The following LRRC20 variants were observed in gnomAD, a reference collection of about 807,000 sequenced individuals.
LRRC20 encodes the protein leucine-rich repeat-containing protein 20.
A neutral mutation model predicts 14.4 loss-of-function variants in LRRC20; 11 were observed. The observed-to-expected ratio is 0.77, with a 90% CI of 0.48 to 1.27. The LOEUF (loss-of-function observed/expected upper bound fraction) is 1.27, where lower values mean the gene tolerates loss of function less well. Ranked by LOEUF, LRRC20 falls within the 50% of genes most tolerant of loss-of-function variation. LRRC20 has a pLI of 0.00. For synonymous variants in LRRC20, 121 were observed against 107.3 expected (o/e 1.13, Z -0.79); for missense variants, 219 against 251.2 (o/e 0.87, Z 0.87).
At chr10:70,322,044 C>T (rs1294763471) in intron 4 of LRRC20, among the ~76,000 whole-genome samples, 1 of 152,224 alleles carries the variant, frequency 6.6e-6, no homozygotes, top group Non-Finnish European at 1.5e-5. Context: ...GAGATCTGGG[C>T]CACCCTTGCT....
intron 2 of LRRC20, among the ~76,000 whole-genome samples, chr10:70,371,183 C>T (rs1347308667): frequency 6.6e-6 from 1 of 151,802 alleles, no homozygotes; most frequent in Non-Finnish European, 1.5e-5. Context: ...CTCGCCCAGG[C>T]TGGAGTGCAG....
At chr10:70,371,784 G>A (rs886635076) in intron 2 of LRRC20, among the ~76,000 whole-genome samples, 1 of 152,184 alleles carries the variant, frequency 6.6e-6, no homozygotes, top group African/African-American at 2.4e-5. Flanking sequence ...CTCAAGCTGA[G>A]GGCCTCCCAG....
At chr10:70,367,428 T>C in intron 2 of LRRC20, among the ~76,000 whole-genome samples, 1 of 151,968 alleles carries the variant, frequency 6.6e-6, no homozygotes, top group South Asian at 2.1e-4. Flanking sequence ...TTGTTCGTGA[T>C]GTTAAAAAAT....
intron 4 of LRRC20, among the ~76,000 whole-genome samples, chr10:70,310,843 C>T (rs547477081): frequency 3.3e-5 from 5 of 152,336 alleles, no homozygotes; most frequent in Admixed American, 6.5e-5. Flanking sequence ...TGTGGACCAA[C>T]GCTATGATAA....
intron 2 of LRRC20, among the ~76,000 whole-genome samples, chr10:70,363,844 C>CA (rs1328580694): frequency 1.3e-5 from 2 of 151,892 alleles, no homozygotes; most frequent in Non-Finnish European, 2.9e-5. Flanking sequence ...AAGTCAACCC[C>CA]CAACACAGCA....
Position 70,323,964 on chromosome 10 carries a change from T to C in LRRC20, c.299A>G (p.Lys100Arg). The C allele has an allele frequency of 6.2e-7, 1 of 1,614,190 alleles. No individual in the cohort carries two copies. Among genetic ancestry groups the C allele is most frequent in the Non-Finnish European group, 8.5e-7 (1 of 1,180,024 alleles). Residue 100 changes from lysine to arginine, a missense_variant, in exon 4 of 5, where the codon AAG becomes AGG. By Grantham distance (26) the Lys-to-Arg change is conservative. Transcript: ENST00000446961. ...PSEVSALQHLKAIDLSRNQFQ... is the reference protein window; with the variant it reads ...PSEVSALQHLRAIDLSRNQFQ... ...CTGGTTCCGGGACAGGTCAATGGCC[T>C]TGAGGTGCTGCAGGGCACTGACCTC...
At chr10:70,347,416 G>A (rs916798951) in intron 2 of LRRC20, among the ~76,000 whole-genome samples, 9 of 152,066 alleles carry the variant, frequency 5.9e-5, no homozygotes, top group African/African-American at 1.2e-4. Flanking sequence ...CTGTCTTTCC[G>A]GAGTAGATCA....
chr10:70,326,669 G>A (rs1250472899), intron 3 of LRRC20, among the ~76,000 whole-genome samples: 5 of 152,158 alleles, frequency 3.3e-5, no homozygotes, highest in Non-Finnish European at 1.5e-5. Context: ...CTGCTATCCA[G>A]ATCACCATTA....
chr10:70,338,753 C>T (rs562199445), intron 3 of LRRC20, among the ~76,000 whole-genome samples: 13 of 152,182 alleles, frequency 8.5e-5, no homozygotes, highest in African/African-American at 1.2e-4. Context: ...CTCCACCTTC[C>T]GGGTTCAAGC....
chr10:70,340,714 GAACA>G lies in LRRC20; in HGVS notation c.83-16_83-13del. ...GCACTCGGCCAGGTCTGCAGCCAAA[GAACA>G]AAAACAAACCAGAGTTATCAGCCAC... On this transcript the variant is annotated splice_polypyrimidine_tract_variant and intron_variant, in intron 2 of 4. Transcript: ENST00000446961. 6.2e-7 allele frequency: 1 copy of G among 1,613,980 alleles called. No individual in the cohort carries two copies. The highest frequency in any genetic ancestry group is 8.5e-7 in the Non-Finnish European group (1 of 1,179,924).
intron 3 of LRRC20, among the ~76,000 whole-genome samples, chr10:70,330,019 C>T (rs1842476462): frequency 6.6e-6 from 1 of 152,170 alleles, no homozygotes; most frequent in Non-Finnish European, 1.5e-5. Context: ...AGAATCTTTC[C>T]ATCTGTGTTC....
In LRRC20 at chr10:70,300,335, A is replaced by G. The variant is rs950095408; in HGVS notation, c.*1019T>C. 3.1e-6 allele frequency: 3 copies of G among 982,098 alleles called. No homozygotes were observed. In the African/African-American group the frequency reaches 5.2e-5, roughly 17 times the overall value. 60.8% of individuals were successfully genotyped at this position (982,098 alleles called of 1,614,324 possible). A position where few individuals can be genotyped will look rare whatever the true frequency, so the allele number is the denominator to read the frequency against. On this transcript the variant is annotated 3_prime_UTR_variant, in exon 5 of 5. Transcript: ENST00000446961. ...TCCTGGGAAACCAGGACAGCTGGTC[A>G]CCCTGTTGCCTGACCATACCCTAAG...
intron 2 of LRRC20, among the ~76,000 whole-genome samples, chr10:70,347,714 G>A (rs1470371757): frequency 4.6e-5 from 7 of 151,834 alleles, no homozygotes; most frequent in Admixed American, 3.3e-4. Context: ...AGCTACTTGG[G>A]GGGCTGAGGT....
intron 2 of LRRC20, among the ~76,000 whole-genome samples, chr10:70,368,771 T>C (rs2137141593): frequency 6.6e-6 from 1 of 152,004 alleles, no homozygotes; most frequent in East Asian, 2.0e-4. Context: ...TACAGGTGCA[T>C]GCCACCACGC....
chr10:70,329,316 A>ATCT (rs889325211), intron 3 of LRRC20, among the ~76,000 whole-genome samples: 1 of 152,154 alleles, frequency 6.6e-6, no homozygotes, highest in African/African-American at 2.4e-5. Context: ...GGGAAAAGCT[A>ATCT]TCTTCTTCTT....
intron 3 of LRRC20, among the ~76,000 whole-genome samples, chr10:70,339,271 A>G (rs147579371): frequency 9.6e-4 from 147 of 152,350 alleles, no homozygotes; most frequent in African/African-American, 3.4e-3. Context: ...GGGCACTGCT[A>G]TGAATGCTGG....
chr10:70,356,823 C>A (rs1843545075), intron 2 of LRRC20, among the ~76,000 whole-genome samples: 1 of 152,074 alleles, frequency 6.6e-6, no homozygotes, highest in South Asian at 2.1e-4. Context: ...TGCACTCCAG[C>A]CTGGGCAACA....
At chr10:70,317,114 G>A (rs116088113) in intron 4 of LRRC20, among the ~76,000 whole-genome samples, 2,536 of 152,338 alleles carry the variant, frequency 0.017, 98 homozygotes, top group African/African-American at 0.058. Flanking sequence ...CCAGGGGCAG[G>A]AGAGAAGTGC....
intron 2 of LRRC20, among the ~76,000 whole-genome samples, chr10:70,344,732 A>T (rs1444048885): frequency 6.6e-6 from 1 of 151,962 alleles, no homozygotes; most frequent in Non-Finnish European, 1.5e-5. Context: ...AAACCCGGCT[A>T]ATTTTTGTAT....
Sources: allele counts gnomAD v4.1 joint callset (sites outside exome capture counted in the v4.1 genomes callset), GRCh38; gene constraint gnomAD v4.1.1; transcripts MANE v1.5; gene names NCBI Gene and HGNC (gene_info 2026-07-23, HGNC 2026-07-21).